The following CDH12 variants were observed in gnomAD, a reference collection of about 807,000 sequenced individuals.
The protein encoded by CDH12 is cadherin 12, also known as cadherin-12.
Under a neutral mutation model 74.1 loss-of-function variants are expected in CDH12, and 41 were observed. The ratio of observed to expected loss-of-function variants is 0.55; its 90% CI spans 0.43 to 0.72. The LOEUF (loss-of-function observed/expected upper bound fraction) is 0.72, where lower values mean the gene tolerates loss of function less well. Ranked by LOEUF, CDH12 falls within the 30% of genes least tolerant of loss-of-function variation. CDH12 has a pLI of 0.00. For missense variants in CDH12, 945 were observed against 977.2 expected, an observed-to-expected ratio of 0.97 and a Z score of 0.44; for synonymous variants, 399 against 355.0, an observed-to-expected ratio of 1.12 and a Z score of -1.39.
intron 4 of CDH12, among the ~76,000 whole-genome samples, chr5:22,088,484 A>G (rs1425944893): frequency 1.3e-5 from 2 of 152,104 alleles, no homozygotes; most frequent in African/African-American, 4.8e-5. Context: ...AAGGACTACA[A>G]TCCCTATCAC....
chr5:22,138,845 A>ATATATATATAT lies in CDH12; in HGVS notation c.-186-59984_-186-59983insATATATATATA, dbSNP rs1746612743. 5.8e-3 allele frequency among the ~76,000 whole-genome samples: 441 copies of ATATATATATAT among 76,564 alleles called. 8 individuals carry two copies. The highest frequency in any genetic ancestry group is 0.011 in the Middle Eastern group (1 of 92). The allele number at this position is 76,564 out of a possible 152,430, so 50.2% of individuals were successfully genotyped here. On this transcript the variant is annotated intron_variant, in intron 4 of 14. Coordinates refer to ENST00000382254, the MANE Select transcript of CDH12 (RefSeq NM_004061.5). ...AATATATATGTGTACATATATACGT[A>ATATATATATAT]ATATATATATATATATATATATATA...
chr5:22,103,173 G>A lies in CDH12; in HGVS notation c.-186-24311C>T, dbSNP rs191067565. 9.2e-5 allele frequency among the ~76,000 whole-genome samples: 14 copies of A among 152,144 alleles called. No individual in the cohort carries two copies. In the East Asian group the frequency reaches 2.3e-3, roughly 25 times the overall value. On this transcript the variant is annotated intron_variant, in intron 4 of 14. Coordinates refer to ENST00000382254, the MANE Select transcript of CDH12 (RefSeq NM_004061.5). ...TACTACCATGACAGCTTCTAATCTC[G>A]GATCTTGAATGTATCTGGTCTCATG...
At chr5:22,329,734 G>C (rs1205466363) in intron 3 of CDH12, among the ~76,000 whole-genome samples, 1 of 152,206 alleles carries the variant, frequency 6.6e-6, no homozygotes, top group Non-Finnish European at 1.5e-5. Context: ...GAACTCAGCA[G>C]TGCCCTATCA....
chr5:22,778,777 T>C (rs1471060968), intron 1 of CDH12, among the ~76,000 whole-genome samples: 3 of 152,138 alleles, frequency 2.0e-5, no homozygotes, highest in Admixed American at 6.5e-5. Context: ...GGTTGAAATA[T>C]AGTTTTCTTA....
At chr5:22,282,907 A>G (rs915984317) in intron 3 of CDH12, among the ~76,000 whole-genome samples, 1 of 152,142 alleles carries the variant, frequency 6.6e-6, no homozygotes, top group Admixed American at 6.6e-5. Context: ...CCAAAGGATT[A>G]TAAATCATTC....
intron 3 of CDH12, among the ~76,000 whole-genome samples, chr5:22,363,371 A>G (rs1277867135): frequency 4.6e-5 from 7 of 152,142 alleles, no homozygotes; most frequent in Non-Finnish European, 8.8e-5. Flanking sequence ...ATGGCAGTTA[A>G]TCCATTGGGA....
At position 22,631,407 on chromosome 5, in the gene CDH12, T is replaced by C. The variant is rs1469976054; in HGVS notation, c.-522-126043A>G. Among the ~76,000 whole-genome samples, 3 of 152,258 alleles carry C rather than the reference T, an allele frequency of 2.0e-5. No homozygotes were observed. The East Asian group carries it at 5.8e-4, about 29-fold the overall frequency. On this transcript the variant is annotated intron_variant, in intron 1 of 14. Transcript: ENST00000382254. The stretch of plus-strand genomic sequence containing the variant: ...ACCTAAATGTTTATCATTGCTAGAC[T>C]GGATAAATAAAAAGTGGTTTATATA...
intron 1 of CDH12, among the ~76,000 whole-genome samples, chr5:22,507,312 A>G (rs1040405109): frequency 1.7e-4 from 26 of 152,058 alleles, no homozygotes; most frequent in East Asian, 1.9e-4. Flanking sequence ...TAAGACAAAA[A>G]GTCTGAGTTA....
intron 1 of CDH12, among the ~76,000 whole-genome samples, chr5:22,796,564 G>T (rs1157035105): frequency 7.8e-6 from 1 of 128,060 alleles, no homozygotes; most frequent in East Asian, 2.3e-4. Context: ...CTGTCGCCCA[G>T]GCTGGAGTGC....
At position 22,276,578 on chromosome 5, in the gene CDH12, A is replaced by G. The variant is rs951271174; in HGVS notation, c.-332-63935T>C. 8.5e-5 allele frequency among the ~76,000 whole-genome samples: 13 copies of G among 152,372 alleles called. No homozygotes were observed. In the East Asian group the frequency reaches 2.5e-3, roughly 29 times the overall value. ...AATGGTTCACTCATGTTGAGCAGAAATAATCATTCACTTTGCAAATGAACG... is the reference window on the plus strand; with the variant it reads ...AATGGTTCACTCATGTTGAGCAGAAGTAATCATTCACTTTGCAAATGAACG... On this transcript the variant is annotated intron_variant, in intron 3 of 14. Transcript: ENST00000382254.
At chr5:22,248,063 G>A (rs530206187) in intron 3 of CDH12, among the ~76,000 whole-genome samples, 146 of 152,248 alleles carry the variant, frequency 9.6e-4, no homozygotes, top group Non-Finnish European at 1.8e-3. Context: ...TTGGGAGGCC[G>A]AGGTTTGTGG....
rs1298901197 is a variant in CDH12 at position 22,477,118 on chromosome 5, G to C, written c.-428+28152C>G. 2.0e-5 allele frequency among the ~76,000 whole-genome samples: 3 copies of C among 152,200 alleles called. No homozygotes were observed. In the East Asian group the frequency reaches 5.8e-4, roughly 29 times the overall value. ...CTTAACTTTAAGTTCAGGAGTACAA[G>C]TGCAGGTTTGTTACATAGGTAAACT... On this transcript the variant is annotated intron_variant, in intron 2 of 14. Transcript: ENST00000382254.
intron 1 of CDH12, among the ~76,000 whole-genome samples, chr5:22,784,283 TAGACTTCTTTC>T: frequency 6.6e-6 from 1 of 152,156 alleles, no homozygotes; most frequent in South Asian, 2.1e-4. Context: ...TTACAATGTA[TAGACTTCTTTC>T]TAAAGTTTAG....
intron 4 of CDH12, among the ~76,000 whole-genome samples, chr5:22,190,221 C>G (rs928525841): frequency 6.6e-6 from 1 of 151,998 alleles, no homozygotes; most frequent in African/African-American, 2.4e-5. Flanking sequence ...AAAATACTCC[C>G]TCACTTCTCC....
intron 1 of CDH12, among the ~76,000 whole-genome samples, chr5:22,808,660 C>T (rs148088325): frequency 0.02 from 2,601 of 129,852 alleles, 44 homozygotes; most frequent in Middle Eastern, 0.037. Flanking sequence ...GTCTGGAGTG[C>T]AGTGGTGCGA....
At chr5:22,510,984 T>G (rs1736582863) in intron 1 of CDH12, among the ~76,000 whole-genome samples, 1 of 151,608 alleles carries the variant, frequency 6.6e-6, no homozygotes, top group East Asian at 1.9e-4. Context: ...AACCTCCACC[T>G]CCTGGGTTCA....
At chr5:21,890,112 G>A (rs1752831212) in intron 6 of CDH12, among the ~76,000 whole-genome samples, 1 of 152,134 alleles carries the variant, frequency 6.6e-6, no homozygotes, top group Admixed American at 6.6e-5. Flanking sequence ...TTTGCAAAGT[G>A]TAGTAAATAC....
chr5:21,875,338 C>G (rs1251899664), intron 6 of CDH12, among the ~76,000 whole-genome samples: 2 of 152,134 alleles, frequency 1.3e-5, no homozygotes, highest in Non-Finnish European at 2.9e-5. Flanking sequence ...CTTATTTATG[C>G]ATTAATTCAT....
chr5:22,564,549 T>C (rs1309440457), intron 1 of CDH12, among the ~76,000 whole-genome samples: 1 of 152,218 alleles, frequency 6.6e-6, no homozygotes, highest in Non-Finnish European at 1.5e-5. Flanking sequence ...TGTGTGTGCC[T>C]GAAAATATTT....
Sources: allele counts gnomAD v4.1 joint callset (sites outside exome capture counted in the v4.1 genomes callset), GRCh38; gene constraint gnomAD v4.1.1; transcripts MANE v1.5; gene names NCBI Gene and HGNC (gene_info 2026-07-23, HGNC 2026-07-21).